The following SNAP47 variants were observed in gnomAD, a reference collection of about 807,000 sequenced individuals.
SNAP47 encodes the protein synaptosome associated protein 47.
A neutral mutation model predicts 31.4 loss-of-function variants in SNAP47; 20 were observed. The observed-to-expected ratio is 0.64, with a 90% CI of 0.45 to 0.93. SNAP47 has a LOEUF of 0.93. Ranked by LOEUF, SNAP47 falls within the 40% of genes least tolerant of loss-of-function variation. SNAP47 has a pLI of 0.00. For synonymous variants in SNAP47, 194 were observed against 213.4 expected (o/e 0.91, Z 0.79); for missense variants, 492 against 528.5 (o/e 0.93, Z 0.68).
At chr1:227,769,403 T>G (rs1663646853) in intron 4 of SNAP47, among the ~76,000 whole-genome samples, 1 of 152,086 alleles carries the variant, frequency 6.6e-6, no homozygotes. Context: ...CACAGGAGAC[T>G]GTCTTTTTGA....
intron 1 of SNAP47, among the ~76,000 whole-genome samples, chr1:227,736,964 A>G (rs538683449): frequency 2.0e-5 from 3 of 152,228 alleles, no homozygotes; most frequent in African/African-American, 7.2e-5. Flanking sequence ...GGAAGGTTTC[A>G]GGAATTTGGC....
upstream of SNAP47, chr1:227,733,915 C>A: frequency 6.2e-7 from 1 of 1,613,642 alleles, no homozygotes; most frequent in Non-Finnish European, 8.5e-7. Context: ...ACCAGCTGCC[C>A]GCAGGCCCCG....
intron 1 of SNAP47, among the ~76,000 whole-genome samples, chr1:227,729,546 G>A (rs1181619159): frequency 2.0e-5 from 3 of 152,214 alleles, no homozygotes; most frequent in South Asian, 2.1e-4. Context: ...GGCCTTGGAT[G>A]TGGCTCTCAG....
At chr1:227,766,207 C>T (rs935040361) in intron 3 of SNAP47, among the ~76,000 whole-genome samples, 1 of 152,234 alleles carries the variant, frequency 6.6e-6, no homozygotes, top group African/African-American at 2.4e-5. Flanking sequence ...CAGCTGCACT[C>T]TCCCTGCCTG....
At chr1:227,753,431 T>C (rs1572013943) in intron 2 of SNAP47, among the ~76,000 whole-genome samples, 1 of 152,326 alleles carries the variant, frequency 6.6e-6, no homozygotes, top group East Asian at 1.9e-4. Flanking sequence ...TTCTTATCTT[T>C]TCCTGCCGGG....
chr1:227,744,034 C>T (rs1053445852), intron 1 of SNAP47: 2 of 152,248 alleles, frequency 1.3e-5, no homozygotes, highest in South Asian at 2.1e-4. Context: ...TATCACGTGT[C>T]CTCTCTGTGC....
intron 4 of SNAP47, among the ~76,000 whole-genome samples, chr1:227,777,761 A>G (rs1664247135): frequency 6.6e-6 from 1 of 152,322 alleles, no homozygotes; most frequent in South Asian, 2.1e-4. Context: ...AAGACACTCC[A>G]GTCAGAGAGC....
chr1:227,762,376 C>T lies in SNAP47; in HGVS notation c.988+2891C>T, dbSNP rs570491193. Among the ~76,000 whole-genome samples the T allele has an allele frequency of 1.3e-5, 2 of 152,304 alleles. No homozygotes were observed. The highest frequency in any genetic ancestry group is 4.1e-4 in the South Asian group (2 of 4,824). On this transcript the variant is annotated intron_variant, in intron 3 of 4. Transcript: ENST00000617596. The surrounding 1 kb of genome is among the most constrained non-coding windows in gnomAD (Gnocchi z 4.2). ...CTATGTTAGCAAGAAGGCGGCGCCC[C>T]GTTTGATGGGAGCTCAGTAGTCTGT... is the stretch of plus-strand genomic sequence containing the variant.
upstream of SNAP47, chr1:227,732,791 C>G: frequency 1.3e-6 from 2 of 1,592,112 alleles, no homozygotes; most frequent in Non-Finnish European, 1.7e-6. Flanking sequence ...GACAGAGGCA[C>G]TGAGAAGCTG....
intron 1 of SNAP47, among the ~76,000 whole-genome samples, chr1:227,729,772 A>G (rs1326135424): frequency 1.3e-5 from 2 of 152,184 alleles, no homozygotes; most frequent in African/African-American, 2.4e-5. Context: ...ACCTCCATGG[A>G]TTCCAGCCAA....
intron 3 of SNAP47, 116 bp downstream of exon 3, chr1:227,759,601 C>T: frequency 1.1e-5 from 16 of 1,394,342 alleles, no homozygotes; most frequent in Non-Finnish European, 1.6e-5. Flanking sequence ...TGCTGGCCTC[C>T]AGCTTGCTAG....
intron 1 of SNAP47, among the ~76,000 whole-genome samples, chr1:227,738,351 G>A (rs1258277567): frequency 1.3e-5 from 2 of 152,068 alleles, no homozygotes; most frequent in African/African-American, 4.8e-5. Context: ...CGAGATGACC[G>A]TTTTTTATTC....
At chr1:227,735,418 G>T (rs1661049854), upstream of SNAP47, 3 of 1,544,260 alleles carry the variant, frequency 1.9e-6, no homozygotes, top group South Asian at 3.5e-5. Flanking sequence ...GCATGCGCGC[G>T]GCTCGCCGCG....
upstream of SNAP47, among the ~76,000 whole-genome samples, chr1:227,730,259 T>C (rs1184526591): frequency 1.3e-5 from 2 of 152,132 alleles, no homozygotes; most frequent in Non-Finnish European, 2.9e-5. Flanking sequence ...TGAAATTCCC[T>C]TTGCGAAGGC....
intron 4 of SNAP47, chr1:227,776,096 T>G (rs994622810): frequency 8.5e-7 from 1 of 1,182,372 alleles, no homozygotes; most frequent in African/African-American, 1.6e-5. Context: ...GCTGCCTGCC[T>G]GAGTCACCCA....
chr1:227,761,025 A>G (rs1271644314), intron 3 of SNAP47, among the ~76,000 whole-genome samples: 2 of 152,242 alleles, frequency 1.3e-5, no homozygotes, highest in Non-Finnish European at 2.9e-5. Flanking sequence ...ATGTATACAT[A>G]TGTACACATG....
At chr1:227,750,865 A>T (rs1229319583) in intron 2 of SNAP47, among the ~76,000 whole-genome samples, 1 of 152,206 alleles carries the variant, frequency 6.6e-6, no homozygotes, top group Non-Finnish European at 1.5e-5. Context: ...CTGTGTGGCC[A>T]CATGGCATCA....
At chr1:227,766,175 G>C (rs1254585971) in intron 3 of SNAP47, among the ~76,000 whole-genome samples, 2 of 152,180 alleles carry the variant, frequency 1.3e-5, no homozygotes, top group Admixed American at 6.5e-5. Flanking sequence ...CTGCCTGCCT[G>C]CCCCATCAGG....
intron 2 of SNAP47, among the ~76,000 whole-genome samples, chr1:227,754,522 C>T (rs926429455): frequency 1.3e-5 from 2 of 152,226 alleles, no homozygotes; most frequent in African/African-American, 4.8e-5. Context: ...TCTTCCATAT[C>T]ATTTAAAGGG....
Sources: allele counts gnomAD v4.1 joint callset (sites outside exome capture counted in the v4.1 genomes callset), GRCh38; gene constraint gnomAD v4.1.1; non-coding constraint Gnocchi (gnomAD v3.1); transcripts MANE v1.5; gene names NCBI Gene and HGNC (gene_info 2026-07-23, HGNC 2026-07-21).